The following PAPSS2 variants were observed in gnomAD, a reference collection of about 807,000 sequenced individuals.
PAPSS2 encodes 3'-phosphoadenosine 5'-phosphosulfate synthase 2.
Under a neutral mutation model 66.5 loss-of-function variants are expected in PAPSS2, and 61 were observed. That is an observed-to-expected ratio of 0.92 (90% CI 0.75 to 1.14). PAPSS2 has a LOEUF of 1.14. PAPSS2 is among the 50% of genes most tolerant of loss of function. The pLI, the probability that PAPSS2 is intolerant of heterozygous loss-of-function variation, is 0.00. For missense variants in PAPSS2, 708 were observed against 789.6 expected (o/e 0.90, Z 1.24); for synonymous variants, 289 against 287.5 (o/e 1.01, Z -0.05).
chr10:87,718,279 C>T (rs1238172901), intron 7 of PAPSS2, among the ~76,000 whole-genome samples: 1 of 152,126 alleles, frequency 6.6e-6, no homozygotes, highest in Non-Finnish European at 1.5e-5. Flanking sequence ...AATCTGCCCG[C>T]CTCAGCCTCC....
intron 1 of PAPSS2, among the ~76,000 whole-genome samples, chr10:87,701,327 C>CTTTCTTT (rs1853306200): frequency 2.6e-4 from 19 of 72,248 alleles, no homozygotes; most frequent in East Asian, 9.0e-4. Flanking sequence ...TTCCTTCCTT[C>CTTTCTTT]CTTTCTTTCT....
intron 9 of PAPSS2, among the ~76,000 whole-genome samples, chr10:87,728,489 C>T (rs1853686942): frequency 6.6e-6 from 1 of 152,142 alleles, no homozygotes. Flanking sequence ...CCTGTAATCC[C>T]AGTACTTTGG....
intron 10 of PAPSS2, among the ~76,000 whole-genome samples, chr10:87,743,000 C>T (rs923119525): frequency 6.6e-6 from 1 of 152,214 alleles, no homozygotes; most frequent in African/African-American, 2.4e-5. Context: ...AATCCCAACA[C>T]TTTGGGAGGC....
At chr10:87,741,061 A>G (rs1853862527) in intron 9 of PAPSS2, among the ~76,000 whole-genome samples, 174 bp from the exon 10 acceptor site, 1 of 152,218 alleles carries the variant, frequency 6.6e-6, no homozygotes, top group Non-Finnish European at 1.5e-5. Context: ...TAATTTTTTA[A>G]GAGCATAACG....
chr10:87,743,268 T>A, intron 10 of PAPSS2, 105 bp from the exon 11 acceptor site: 27 of 1,119,892 alleles, frequency 2.4e-5, no homozygotes, highest in Non-Finnish European at 3.2e-5. Context: ...AGCCAGTGGA[T>A]AATGAATGCA....
intron 1 of PAPSS2, among the ~76,000 whole-genome samples, chr10:87,702,062 G>A (rs764525493): frequency 8.5e-5 from 13 of 152,144 alleles, no homozygotes; most frequent in African/African-American, 2.9e-4. Context: ...AGAACTAATC[G>A]GAAAGGAATA....
At chr10:87,707,175 A>T (rs1469315488) in intron 1 of PAPSS2, among the ~76,000 whole-genome samples, 2 of 152,184 alleles carry the variant, frequency 1.3e-5, no homozygotes, top group Non-Finnish European at 2.9e-5. Context: ...CTAAAGGGCC[A>T]CGCAGGAAAG....
In PAPSS2 at chr10:87,713,264, A is replaced by G; in HGVS notation, c.335A>G (p.Asp112Gly). The G allele has an allele frequency of 7.2e-7, 1 of 1,389,460 alleles. No homozygotes were observed. Among genetic ancestry groups the G allele is most frequent in the Non-Finnish European group, 9.7e-7 (1 of 1,032,870 alleles). 86.1% of individuals were successfully genotyped at this position (1,389,460 alleles called of 1,614,324 possible). A position where few individuals can be genotyped will look rare whatever the true frequency, so the allele number is the denominator to read the frequency against. The change falls in exon 3 of 13, where the codon GAT becomes GGT. Residue 112 changes from aspartate to glycine, a missense_variant. Physicochemically the swap from Asp to Gly is moderately conservative, Grantham distance 94 (BLOSUM62 -1). Transcript: ENST00000456849. Reference sequence around the variant, plus strand: ...GCTGAGGTGGCTAAGCTGTTTGCTGATGCTGGTCTGGTCTGCATTACCAGC... The same window carrying G: ...GCTGAGGTGGCTAAGCTGTTTGCTGGTGCTGGTCTGGTCTGCATTACCAGC... ...RIAEVAKLFA[D>G]AGLVCITSFI... is the part of the protein sequence containing the mutation.
chr10:87,695,182 C>T (rs2131916949), intron 1 of PAPSS2, among the ~76,000 whole-genome samples: 1 of 152,268 alleles, frequency 6.6e-6, no homozygotes, highest in African/African-American at 2.4e-5. Flanking sequence ...GCTGAGAAGT[C>T]CAAGAGCAAG....
chr10:87,718,403 A>T (rs948477492), intron 7 of PAPSS2, among the ~76,000 whole-genome samples: 58 of 152,056 alleles, frequency 3.8e-4, no homozygotes, highest in African/African-American at 1.4e-3. Context: ...TATTGCTCCC[A>T]CTTTCCATGT....
chr10:87,743,377 G>A lies in PAPSS2; in HGVS notation c.1227G>A (p.Ala409=), dbSNP rs776807376. 1.6e-5 allele frequency: 26 copies of A among 1,613,490 alleles called. No homozygotes were observed. Among genetic ancestry groups the A allele is most frequent in the Admixed American group, 1.3e-4 (8 of 59,994 alleles). The change falls in exon 11 of 13, where the codon GCG becomes GCA. Residue 409 remains alanine, a synonymous_variant. Coordinates refer to ENST00000456849, the MANE Select transcript of PAPSS2 (RefSeq NM_001015880.2). ...TCTTCTGCTTTCCTCTCCCAGATGC[G>A]GTGTTTGCATTCCAGTTGCGCAATC... ...KQKCKEMNAD[A]VFAFQLRNPV...
At chr10:87,680,426 A>G (rs1853005254) in intron 1 of PAPSS2, among the ~76,000 whole-genome samples, 1 of 152,140 alleles carries the variant, frequency 6.6e-6, no homozygotes, top group Non-Finnish European at 1.5e-5. Context: ...GCTTTCATTC[A>G]TCAATGGAAT....
At chr10:87,724,966 G>A (rs1392491074) in intron 8 of PAPSS2, among the ~76,000 whole-genome samples, 2 of 151,706 alleles carry the variant, frequency 1.3e-5, no homozygotes, top group East Asian at 1.9e-4. Flanking sequence ...TGGGGACCCC[G>A]AGAAGACCTG....
intron 1 of PAPSS2, among the ~76,000 whole-genome samples, chr10:87,705,234 A>G (rs4933458): frequency 0.5 from 75,384 of 152,070 alleles, 20,391 homozygotes; most frequent in African/African-American, 0.73. Flanking sequence ...TCCATTCATT[A>G]TCATCCATAT....
intron 1 of PAPSS2, among the ~76,000 whole-genome samples, chr10:87,699,128 A>G (rs17122411): frequency 0.048 from 7,326 of 152,358 alleles, 224 homozygotes; most frequent in South Asian, 0.12. Flanking sequence ...CTTCATGGAC[A>G]TTTATTCTCC....
At chr10:87,705,743 T>G (rs1265889626) in intron 1 of PAPSS2, among the ~76,000 whole-genome samples, 1 of 151,798 alleles carries the variant, frequency 6.6e-6, no homozygotes. Context: ...TTTCCTTATT[T>G]TTTTTTTTGA....
intron 7 of PAPSS2, among the ~76,000 whole-genome samples, chr10:87,719,528 G>A (rs955937050): frequency 5.9e-5 from 9 of 152,156 alleles, no homozygotes; most frequent in Admixed American, 3.9e-4. Flanking sequence ...AGCCTAAGGC[G>A]GGAGGATCAC....
At chr10:87,738,346 G>T (rs1410833581) in intron 9 of PAPSS2, among the ~76,000 whole-genome samples, 2 of 151,968 alleles carry the variant, frequency 1.3e-5, no homozygotes, top group Non-Finnish European at 2.9e-5. Flanking sequence ...AGTGTACAAG[G>T]GTTCCAATTT....
intron 1 of PAPSS2, among the ~76,000 whole-genome samples, chr10:87,668,757 A>G (rs1852842497): frequency 6.6e-6 from 1 of 151,994 alleles, no homozygotes; most frequent in African/African-American, 2.4e-5. Context: ...AGCTCTTTAT[A>G]TGACAGTTGA....
Sources: gnomAD v4.1 joint callset for allele counts (sites outside exome capture counted in the v4.1 genomes callset) on GRCh38, gnomAD v4.1.1 for gene constraint, MANE v1.5 for transcripts, NCBI Gene and HGNC (gene_info 2026-07-23, HGNC 2026-07-21) for gene names.